The following PRELID2 variants were observed in gnomAD, a reference collection of about 807,000 sequenced individuals.
PRELID2 encodes PRELI domain containing 2.
In PRELID2, 25 loss-of-function variants were observed where a neutral mutation model predicts 28.4. The ratio of observed to expected loss-of-function variants is 0.88; its 90% CI spans 0.64 to 1.23. The LOEUF is 1.23. Ranked by LOEUF, PRELID2 falls within the 50% of genes most tolerant of loss-of-function variation. The pLI is 0.00. For missense variants in PRELID2, 201 were observed against 214.4 expected (o/e 0.94, Z 0.39); for synonymous variants, 76 against 71.6 (o/e 1.06, Z -0.31).
At chr5:145,265,861 G>A in the PRELID2 span, among the ~76,000 whole-genome samples, 2 of 152,138 alleles carry the variant, frequency 1.3e-5, no homozygotes, top group African/African-American at 4.8e-5. Context: ...AAAAATTCTA[G>A]AAGATAACAT....
At chr5:145,808,843 T>G (rs1753728029) in intron 4 of PRELID2, among the ~76,000 whole-genome samples, 1 of 151,832 alleles carries the variant, frequency 6.6e-6, no homozygotes, top group Non-Finnish European at 1.5e-5. Context: ...GTGATTGTGT[T>G]ACTGCACTCC....
In PRELID2 at chr5:145,742,414, C is replaced by T. The variant is rs572110799; in HGVS notation, n.70+22517G>A. The stretch of plus-strand genomic sequence containing the variant: ...AAATAGTACAGAGTTTTTTCTAACT[C>T]AGTAGAATCAAACCAGAAATCGATA... On this transcript the variant is annotated intron_variant and non_coding_transcript_variant, in intron 1 of 2. Transcript: ENST00000510259. Among the ~76,000 whole-genome samples, 110 of 139,784 alleles carry T rather than the reference C, an allele frequency of 7.9e-4. 1 individual carries two copies. The highest frequency in any genetic ancestry group is 2.9e-3 in the South Asian group (13 of 4,532). The allele number at this position is 139,784 out of a possible 152,430, so 91.7% of individuals were successfully genotyped here.
the PRELID2 span, among the ~76,000 whole-genome samples, chr5:145,359,266 T>G: frequency 2.0e-5 from 3 of 152,156 alleles, no homozygotes; most frequent in South Asian, 4.1e-4. Flanking sequence ...GATAGTATAT[T>G]GTCAGAAACA....
intron 1 of PRELID2, among the ~76,000 whole-genome samples, chr5:145,622,754 TATAA>T (rs1456583573): frequency 1.3e-5 from 2 of 151,760 alleles, no homozygotes; most frequent in Admixed American, 6.6e-5. Context: ...GTTCTGAAAG[TATAA>T]ATAGAGAAAA....
At chr5:145,256,263 A>G in the PRELID2 span, among the ~76,000 whole-genome samples, 23 of 151,924 alleles carry the variant, frequency 1.5e-4, no homozygotes, top group South Asian at 6.2e-4. Flanking sequence ...TCTCAGTAAC[A>G]CTGACTCTTC....
the PRELID2 span, among the ~76,000 whole-genome samples, chr5:145,459,780 A>T: frequency 2.6e-5 from 4 of 151,844 alleles, no homozygotes; most frequent in Non-Finnish European, 5.9e-5. Flanking sequence ...CCTAAATAGA[A>T]TTTATAGAAA....
intron 1 of PRELID2, among the ~76,000 whole-genome samples, chr5:145,680,123 ATT>A (rs1340434365): frequency 1.3e-5 from 2 of 152,152 alleles, no homozygotes; most frequent in Non-Finnish European, 2.9e-5. Flanking sequence ...TCACTGGAGC[ATT>A]TAAAAAATAT....
At chr5:145,666,736 A>G (rs1754603194) in intron 1 of PRELID2, among the ~76,000 whole-genome samples, 1 of 152,092 alleles carries the variant, frequency 6.6e-6, no homozygotes, top group Non-Finnish European at 1.5e-5. Flanking sequence ...GAAGCAATTT[A>G]TGAGTCTTGG....
chr5:145,560,489 T>C (rs1371888941), intron 1 of PRELID2, among the ~76,000 whole-genome samples: 1 of 152,232 alleles, frequency 6.6e-6, no homozygotes, highest in Non-Finnish European at 1.5e-5. Flanking sequence ...TAATTTATCC[T>C]TAATATCACA....
chr5:145,469,555 C>T (rs1332610015), downstream of PRELID2, among the ~76,000 whole-genome samples: 1 of 151,970 alleles, frequency 6.6e-6, no homozygotes, highest in Non-Finnish European at 1.5e-5. Flanking sequence ...CAGATGGAAA[C>T]TTCCATTAAG....
chr5:145,546,029 C>T (rs561315113), intron 1 of PRELID2, among the ~76,000 whole-genome samples: 45 of 152,188 alleles, frequency 3.0e-4, no homozygotes, highest in African/African-American at 1.1e-3. Context: ...CAGTGTTTCT[C>T]AAAATATGGT....
chr5:145,292,600 G>A, the PRELID2 span, among the ~76,000 whole-genome samples: 61,467 of 152,022 alleles, frequency 0.4, 13,590 homozygotes, highest in African/African-American at 0.59. Context: ...AGTGAATAAC[G>A]TAAGGGTGGA....
the PRELID2 span, among the ~76,000 whole-genome samples, chr5:145,301,179 T>C: frequency 6.6e-6 from 1 of 152,120 alleles, no homozygotes; most frequent in African/African-American, 2.4e-5. Flanking sequence ...TTTTTAATTG[T>C]AATTACCCTG....
the PRELID2 span, among the ~76,000 whole-genome samples, chr5:145,438,463 AC>A: frequency 6.6e-6 from 1 of 152,054 alleles, no homozygotes; most frequent in Non-Finnish European, 1.5e-5. Context: ...TCCATGGGCA[AC>A]CCTAAATAAA....
intron 5 of PRELID2, among the ~76,000 whole-genome samples, chr5:145,784,348 GA>G (rs1751848283): frequency 1.3e-5 from 2 of 151,988 alleles, no homozygotes; most frequent in South Asian, 4.1e-4. Flanking sequence ...GTAGATATCA[GA>G]AGACAAGACC....
chr5:145,636,690 A>G (rs10043961), intron 1 of PRELID2, among the ~76,000 whole-genome samples: 2,612 of 152,298 alleles, frequency 0.017, 87 homozygotes, highest in African/African-American at 0.06. Flanking sequence ...AAGTAGATAC[A>G]TATCTAAAGG....
At chr5:145,287,223 T>C in the PRELID2 span, among the ~76,000 whole-genome samples, 1 of 152,166 alleles carries the variant, frequency 6.6e-6, no homozygotes, top group African/African-American at 2.4e-5. Context: ...TTTTTTCCTA[T>C]GTATACATAG....
chr5:145,790,425 A>G (rs1435836236), intron 5 of PRELID2, among the ~76,000 whole-genome samples: 1 of 152,040 alleles, frequency 6.6e-6, no homozygotes, highest in Non-Finnish European at 1.5e-5. Context: ...AAATCTAAAA[A>G]AGTTAAACTC....
At chr5:145,245,248 T>C in the PRELID2 span, among the ~76,000 whole-genome samples, 1 of 152,082 alleles carries the variant, frequency 6.6e-6, no homozygotes, top group Admixed American at 6.6e-5. Flanking sequence ...CAGTGCCCAA[T>C]AGTAAAAACT....
Sources: allele counts gnomAD v4.1 joint callset (sites outside exome capture counted in the v4.1 genomes callset), GRCh38; gene constraint gnomAD v4.1.1; transcripts MANE v1.5; gene names NCBI Gene and HGNC (gene_info 2026-07-23, HGNC 2026-07-21).